Variants in MYZAP observed in about 807,000 individuals in gnomAD.
MYZAP encodes the protein myocardial zonula adherens protein, also known as GRINL1A complex locus upstream.
A neutral mutation model predicts 69.4 loss-of-function variants in MYZAP; 66 were observed. That is an observed-to-expected ratio of 0.95 (90% CI 0.78 to 1.17). The LOEUF (loss-of-function observed/expected upper bound fraction) is 1.17, where lower values mean the gene tolerates loss of function less well. Ranked by LOEUF, MYZAP falls within the 50% of genes most tolerant of loss-of-function variation. The pLI, the probability that MYZAP is intolerant of heterozygous loss-of-function variation, is 0.00. For missense variants in MYZAP, 611 were observed against 556.2 expected (o/e 1.10, Z -0.99); for synonymous variants, 256 against 205.9 (o/e 1.24, Z -2.09).
intron 12 of MYZAP, among the ~76,000 whole-genome samples, chr15:57,682,829 C>G (rs1407366041): frequency 6.6e-6 from 1 of 152,188 alleles, no homozygotes; most frequent in Non-Finnish European, 1.5e-5. Context: ...ACTGCCCCTT[C>G]TTCCTGGAGT....
chr15:57,605,203 A>G (rs7173197), intron 2 of MYZAP, among the ~76,000 whole-genome samples: 7,490 of 152,250 alleles, frequency 0.049, 464 homozygotes, highest in African/African-American at 0.14. Flanking sequence ...TCTGTCATCC[A>G]TGGAACTTAT....
chr15:57,591,957 G>T lies in MYZAP; in HGVS notation c.-78G>T. 2 of 1,223,934 alleles carry T rather than the reference G, an allele frequency of 1.6e-6. No individual in the cohort carries two copies. The highest frequency in any genetic ancestry group is 2.0e-6 in the Non-Finnish European group (2 of 976,194). The allele number at this position is 1,223,934 out of a possible 1,614,324, so 75.8% of individuals were successfully genotyped here. A position where few individuals can be genotyped will look rare whatever the true frequency, so the allele number is the denominator to read the frequency against. ...GCCGGCGCCGTCCCGCGTCGCCCCC[G>T]CGCAGGGCGGGCCCCGCACGCTTAT... On this transcript the variant is annotated 5_prime_UTR_variant, in exon 1 of 13. Coordinates refer to ENST00000267853, the MANE Select transcript of MYZAP (RefSeq NM_001018100.5).
At chr15:57,595,110 G>T (rs1212336641) in intron 1 of MYZAP, among the ~76,000 whole-genome samples, 1 of 152,192 alleles carries the variant, frequency 6.6e-6, no homozygotes, top group Non-Finnish European at 1.5e-5. Context: ...TATGTGGCTG[G>T]CTGGACTGCC....
intron 10 of MYZAP, among the ~76,000 whole-genome samples, chr15:57,652,612 C>T: frequency 6.6e-6 from 1 of 152,074 alleles, no homozygotes; most frequent in South Asian, 2.1e-4. Flanking sequence ...GACACAATTC[C>T]TCTTTTGTTA....
At chr15:57,636,780 T>C (rs59966862) in intron 8 of MYZAP, among the ~76,000 whole-genome samples, 27,528 of 152,198 alleles carry the variant, frequency 0.18, 2,661 homozygotes, top group East Asian at 0.29. Flanking sequence ...TACATATATA[T>C]AGCAAAGTGT....
intron 4 of MYZAP, among the ~76,000 whole-genome samples, chr15:57,624,910 G>A (rs2036035598): frequency 6.6e-6 from 1 of 152,148 alleles, no homozygotes; most frequent in East Asian, 1.9e-4. Flanking sequence ...TGCTCCCAGA[G>A]GCCACATGGG....
chr15:57,634,367 A>G (rs969707645), intron 8 of MYZAP, among the ~76,000 whole-genome samples: 3 of 152,150 alleles, frequency 2.0e-5, no homozygotes, highest in African/African-American at 4.8e-5. Flanking sequence ...TTAGCAGGTG[A>G]CGGCTGACTT....
intron 1 of MYZAP, among the ~76,000 whole-genome samples, chr15:57,601,446 T>A (rs1363711574): frequency 6.6e-6 from 1 of 152,072 alleles, no homozygotes; most frequent in East Asian, 1.9e-4. Flanking sequence ...AATGTCAGAC[T>A]GGTTTCAACC....
intron 2 of MYZAP, among the ~76,000 whole-genome samples, chr15:57,617,747 G>A (rs1158632811): frequency 1.3e-5 from 2 of 152,192 alleles, no homozygotes; most frequent in African/African-American, 2.4e-5. Context: ...CTAGGACAAC[G>A]CAAGTCCGTC....
At chr15:57,675,762 C>G (rs2039084612) in intron 12 of MYZAP, among the ~76,000 whole-genome samples, 1 of 152,184 alleles carries the variant, frequency 6.6e-6, no homozygotes, top group Admixed American at 6.5e-5. Flanking sequence ...TAACCTGCCT[C>G]TGATAACTAA....
intron 10 of MYZAP, among the ~76,000 whole-genome samples, chr15:57,641,439 G>A (rs115030611): frequency 5.3e-5 from 8 of 152,214 alleles, no homozygotes; most frequent in African/African-American, 1.9e-4. Context: ...TGTGTGTGTA[G>A]GGATGCATAT....
intron 10 of MYZAP, among the ~76,000 whole-genome samples, chr15:57,642,095 C>G (rs1036503420): frequency 6.6e-6 from 1 of 152,206 alleles, no homozygotes; most frequent in African/African-American, 2.4e-5. Context: ...ACTGGCTGCA[C>G]TGGTAAGGCA....
At chr15:57,642,763 T>C (rs2037232585) in intron 10 of MYZAP, among the ~76,000 whole-genome samples, 1 of 145,062 alleles carries the variant, frequency 6.9e-6, no homozygotes, top group South Asian at 2.1e-4. Flanking sequence ...GGAGTATCAT[T>C]TTATCATAGT....
At chr15:57,638,663 A>T (rs1336726221) in intron 9 of MYZAP, among the ~76,000 whole-genome samples, 1 of 152,126 alleles carries the variant, frequency 6.6e-6, no homozygotes, top group Admixed American at 6.6e-5. Context: ...TTGGAGAATA[A>T]ATTGTGCTGT....
In MYZAP at chr15:57,608,373, C is replaced by T. The variant is rs144383922; in HGVS notation, c.162+4018C>T. ...GGTGTGTTGTGGATGGCGTATTTTG[C>T]CCATTTCCACAAAGGTGTGTTTGGA... is the stretch of plus-strand genomic sequence containing the variant. On this transcript the variant is annotated intron_variant, in intron 2 of 12. Coordinates refer to ENST00000267853, the MANE Select transcript of MYZAP (RefSeq NM_001018100.5). Among the ~76,000 whole-genome samples the T allele has an allele frequency of 6.5e-3, 995 of 152,312 alleles. 12 individuals carry two copies. The highest frequency in any genetic ancestry group is 0.023 in the African/African-American group (949 of 41,554).
chr15:57,676,453 T>C (rs1022692072), intron 12 of MYZAP, among the ~76,000 whole-genome samples: 2,034 of 140,994 alleles, frequency 0.014, 28 homozygotes, highest in African/African-American at 0.037. Flanking sequence ...TATATATATA[T>C]ATATACATAT....
chr15:57,591,905 T>C lies in MYZAP; in HGVS notation c.-130T>C. 5 of 692,026 alleles carry C rather than the reference T, an allele frequency of 7.2e-6. No homozygotes were observed. The highest frequency in any genetic ancestry group is 9.3e-6 in the Non-Finnish European group (5 of 534,956). 42.9% of individuals were successfully genotyped at this position (692,026 alleles called of 1,614,324 possible). On this transcript the variant is annotated 5_prime_UTR_variant, in exon 1 of 13. Transcript: ENST00000267853. Reference sequence around the variant, plus strand: ...CCGCCCCCGGCCCCACCCCCGGGCCTTCGCGGTGCAGCTGAGGCTGCAAGT... The same window carrying C: ...CCGCCCCCGGCCCCACCCCCGGGCCCTCGCGGTGCAGCTGAGGCTGCAAGT...
At chr15:57,632,609 AT>A in intron 7 of MYZAP, 50 bp downstream of exon 7, 1 of 1,609,110 alleles carries the variant, frequency 6.2e-7, no homozygotes, top group Non-Finnish European at 8.5e-7. Context: ...TTGTTGGTTC[AT>A]TATTGTTGGT....
At chr15:57,617,958 G>T (rs769017778) in intron 2 of MYZAP, 75 bp from the exon 3 acceptor site, 13 of 1,528,688 alleles carry the variant, frequency 8.5e-6, no homozygotes, top group Non-Finnish European at 1.1e-5. Flanking sequence ...ATCATACACA[G>T]TGGGCCCGTT....
Sources: gnomAD v4.1 joint callset for allele counts (sites outside exome capture counted in the v4.1 genomes callset) on GRCh38, gnomAD v4.1.1 for gene constraint, MANE v1.5 for transcripts, NCBI Gene and HGNC (gene_info 2026-07-23, HGNC 2026-07-21) for gene names.